Variants in ATE1 observed in about 807,000 individuals in gnomAD.
The protein encoded by ATE1 is arginyltransferase 1.
ATE1 carries 36 observed loss-of-function variants against 70.5 expected under a neutral mutation model. The ratio of observed to expected loss-of-function variants is 0.51; its 90% CI spans 0.39 to 0.67. ATE1 has a LOEUF of 0.67. Among genes scored for constraint, ATE1 ranks in the 30% least tolerant of loss-of-function variants. ATE1 has a pLI of 0.00. For synonymous variants in ATE1, 232 were observed against 219.3 expected (o/e 1.06, Z -0.51); for missense variants, 593 against 629.5 (o/e 0.94, Z 0.62).
chr10:121,813,959 T>C (rs1947429870), intron 10 of ATE1, among the ~76,000 whole-genome samples: 2 of 152,222 alleles, frequency 1.3e-5, no homozygotes, highest in Admixed American at 6.5e-5. Flanking sequence ...TCCATGTTTA[T>C]GAAGCCCTAA....
At chr10:121,848,240 T>C (rs1948911713) in intron 8 of ATE1, among the ~76,000 whole-genome samples, 1 of 152,152 alleles carries the variant, frequency 6.6e-6, no homozygotes, top group African/African-American at 2.4e-5. Flanking sequence ...CTTCCATAAC[T>C]TCAATGTAGT....
At chr10:121,867,755 G>A (rs781506547) in intron 8 of ATE1, among the ~76,000 whole-genome samples, 141 of 152,128 alleles carry the variant, frequency 9.3e-4, no homozygotes, top group Middle Eastern at 3.4e-3. Context: ...ATTTTGCATC[G>A]TGCTTTTACC....
intron 11 of ATE1, among the ~76,000 whole-genome samples, chr10:121,745,717 A>G (rs140051337): frequency 0.014 from 1,910 of 131,938 alleles, 48 homozygotes; most frequent in African/African-American, 0.047. Flanking sequence ...ACAGAGCAAG[A>G]CTCTGTCTCA....
chr10:121,901,615 C>T (rs532136684), intron 6 of ATE1, among the ~76,000 whole-genome samples: 1 of 152,022 alleles, frequency 6.6e-6, no homozygotes, highest in Non-Finnish European at 1.5e-5. Context: ...CGCCACCACG[C>T]CTGGCCAATT....
intron 11 of ATE1, among the ~76,000 whole-genome samples, chr10:121,785,547 T>TA (rs1946169879): frequency 6.6e-6 from 1 of 151,588 alleles, no homozygotes; most frequent in Admixed American, 6.6e-5. Flanking sequence ...TATGAAAGTA[T>TA]AAAAAAAATG....
chr10:121,844,951 T>C (rs1161559099), intron 8 of ATE1, among the ~76,000 whole-genome samples: 2 of 152,106 alleles, frequency 1.3e-5, no homozygotes, highest in East Asian at 1.9e-4. Flanking sequence ...CTAGAAAGTC[T>C]ATTGGGGCAA....
At chr10:121,916,887 C>T (rs1951683539) in intron 3 of ATE1, among the ~76,000 whole-genome samples, 1 of 150,716 alleles carries the variant, frequency 6.6e-6, no homozygotes, top group Non-Finnish European at 1.5e-5. Context: ...GCCCAGGCCA[C>T]ATATGGTGGC....
chr10:121,913,784 T>C lies in ATE1; in HGVS notation c.337+6A>G. 6.2e-7 allele frequency: 1 copy of C among 1,600,300 alleles called. No homozygotes were observed. The highest frequency in any genetic ancestry group is 8.6e-7 in the Non-Finnish European group (1 of 1,168,672). On this transcript the variant is annotated splice_donor_region_variant and intron_variant, in intron 4 of 11. Transcript: ENST00000224652. ...GTAAATCGTTTTTAGACCCAGCCCA[T>C]CTTACCCTCACAACTTCCTTTGGGA...
chr10:121,856,733 C>T (rs955179414), intron 8 of ATE1, among the ~76,000 whole-genome samples: 3 of 152,046 alleles, frequency 2.0e-5, no homozygotes, highest in African/African-American at 7.2e-5. Flanking sequence ...TATTTCAGTG[C>T]CAAAAAATGG....
intron 8 of ATE1, among the ~76,000 whole-genome samples, chr10:121,863,491 T>G (rs1015126548): frequency 2.6e-5 from 4 of 152,160 alleles, no homozygotes; most frequent in African/African-American, 9.7e-5. Flanking sequence ...GACCTTGTGA[T>G]CCACCTGCCT....
chr10:121,888,881 A>C lies in ATE1; in HGVS notation c.942+10985T>G, dbSNP rs74328243. On this transcript the variant is annotated intron_variant, in intron 7 of 11. Transcript: ENST00000224652. ...TGTTGGGCAAATGAAACCACACTCA[A>C]AAGAGTAGGATTCTACTTACATTAA... Among the ~76,000 whole-genome samples the C allele has an allele frequency of 1.7e-3, 257 of 152,338 alleles. 1 individual carries two copies. Among genetic ancestry groups the C allele is most frequent in the African/African-American group, 5.9e-3 (244 of 41,584 alleles).
intron 8 of ATE1, among the ~76,000 whole-genome samples, chr10:121,864,591 T>C (rs939960643): frequency 3.9e-5 from 6 of 152,216 alleles, no homozygotes; most frequent in African/African-American, 1.4e-4. Flanking sequence ...CATTTATATT[T>C]AGTACCATCA....
intron 8 of ATE1, among the ~76,000 whole-genome samples, chr10:121,864,658 CAT>C (rs1057073301): frequency 1.6e-4 from 24 of 152,198 alleles, no homozygotes; most frequent in African/African-American, 5.3e-4. Context: ...ATTTGTCCCA[CAT>C]GTTTTTTGTT....
intron 10 of ATE1, among the ~76,000 whole-genome samples, chr10:121,827,772 T>A (rs1476746608): frequency 6.6e-6 from 1 of 152,192 alleles, no homozygotes. Context: ...GGACAAAAAA[T>A]ATCTATGTAA....
chr10:121,918,673 C>A (rs1004325174), intron 3 of ATE1, among the ~76,000 whole-genome samples: 7 of 152,108 alleles, frequency 4.6e-5, no homozygotes, highest in African/African-American at 7.2e-5. Context: ...CTCTTTATAA[C>A]CACGAAAACT....
At chr10:121,762,200 T>C (rs1443369996) in intron 11 of ATE1, among the ~76,000 whole-genome samples, 2 of 152,218 alleles carry the variant, frequency 1.3e-5, no homozygotes, top group African/African-American at 4.8e-5. Context: ...CTGGGTTTTC[T>C]CTTGCCCCAG....
chr10:121,926,342 C>CCTGGCAGGCACTCA (rs1952088091), intron 1 of ATE1, among the ~76,000 whole-genome samples: 1 of 152,106 alleles, frequency 6.6e-6, no homozygotes, highest in African/African-American at 2.4e-5. Context: ...TATCCCGACA[C>CCTGGCAGGCACTCA]CTGGCAGGCA....
intron 5 of ATE1, among the ~76,000 whole-genome samples, chr10:121,908,047 C>T (rs959603482): frequency 6.6e-6 from 1 of 152,030 alleles, no homozygotes; most frequent in African/African-American, 2.4e-5. Flanking sequence ...AGGATTATGT[C>T]GAAAGGCCTC....
chr10:121,799,155 A>G, intron 10 of ATE1, among the ~76,000 whole-genome samples: 2 of 152,170 alleles, frequency 1.3e-5, no homozygotes, highest in East Asian at 3.8e-4. Flanking sequence ...AGACGAAAAA[A>G]GCCTTGTGAG....
Sources: allele counts gnomAD v4.1 joint callset (sites outside exome capture counted in the v4.1 genomes callset), GRCh38; gene constraint gnomAD v4.1.1; transcripts MANE v1.5; gene names NCBI Gene and HGNC (gene_info 2026-07-23, HGNC 2026-07-21).